NELL1: variants seen among roughly 807,000 people sequenced by gnomAD.
NELL1 encodes the protein neural EGFL like 1, also known as protein kinase C-binding protein NELL1.
Under a neutral mutation model 107.4 loss-of-function variants are expected in NELL1, and 76 were observed. The observed-to-expected ratio is 0.71, with a 90% confidence interval of 0.59 to 0.86. The LOEUF (loss-of-function observed/expected upper bound fraction) is 0.86, where lower values mean the gene tolerates loss of function less well. Among genes scored for constraint, NELL1 ranks in the 40% least tolerant of loss-of-function variants. NELL1 has a pLI of 0.00. For missense variants in NELL1, 1,024 were observed against 1,005.5 expected, an observed-to-expected ratio of 1.02 and a Z score of -0.25; for synonymous variants, 353 against 341.2, an observed-to-expected ratio of 1.03 and a Z score of -0.38.
chr11:21,114,452 T>C (rs11025924), intron 13 of NELL1, among the ~76,000 whole-genome samples: 3,684 of 152,148 alleles, frequency 0.024, 104 homozygotes, highest in South Asian at 0.14. Flanking sequence ...TTCAATCATG[T>C]TGTAACTTTT....
chr11:21,238,859 T>G (rs1197103653), intron 14 of NELL1, among the ~76,000 whole-genome samples: 1 of 152,096 alleles, frequency 6.6e-6, no homozygotes, highest in Non-Finnish European at 1.5e-5. Flanking sequence ...GCTATGTGAC[T>G]TCAGCAAGTG....
intron 16 of NELL1, among the ~76,000 whole-genome samples, chr11:21,553,068 C>T (rs1382072712): frequency 6.6e-6 from 1 of 151,854 alleles, no homozygotes; most frequent in African/African-American, 2.4e-5. Context: ...AGACCTTTGA[C>T]TTCTGTGTAA....
chr11:21,505,112 A>G (rs191706425), intron 15 of NELL1, among the ~76,000 whole-genome samples: 5 of 152,312 alleles, frequency 3.3e-5, no homozygotes, highest in Non-Finnish European at 7.4e-5. Context: ...GGAATGGCAT[A>G]TATCTTACAA....
intron 5 of NELL1, among the ~76,000 whole-genome samples, chr11:20,902,756 T>G (rs190530471): frequency 6.6e-6 from 1 of 152,196 alleles, no homozygotes; most frequent in Non-Finnish European, 1.5e-5. Flanking sequence ...AAATACGTTG[T>G]AGTAGAGACA....
intron 15 of NELL1, among the ~76,000 whole-genome samples, chr11:21,414,732 C>A (rs1282486830): frequency 6.6e-6 from 1 of 152,058 alleles, no homozygotes; most frequent in Non-Finnish European, 1.5e-5. Flanking sequence ...GGGAATGCGG[C>A]TATGTGCAAT....
At chr11:21,022,399 T>C (rs1356295) in intron 12 of NELL1, among the ~76,000 whole-genome samples, 152,203 of 152,218 alleles carry the variant, frequency 1, 76,094 homozygotes, top group Middle Eastern at 1. Context: ...CTCAAAACTT[T>C]GTAATTGCAT....
chr11:20,922,050 T>C (rs1449255160), intron 7 of NELL1, among the ~76,000 whole-genome samples: 1 of 152,116 alleles, frequency 6.6e-6, no homozygotes, highest in African/African-American at 2.4e-5. Context: ...AAAGTTTTCT[T>C]TCTGTGCCTT....
At chr11:20,671,667 G>A (rs1853913247) in intron 1 of NELL1, among the ~76,000 whole-genome samples, 1 of 152,094 alleles carries the variant, frequency 6.6e-6, no homozygotes, top group South Asian at 2.1e-4. Context: ...TGGGTGCCAG[G>A]ATTTCTTATG....
chr11:20,746,160 T>C (rs1438419156), intron 2 of NELL1, among the ~76,000 whole-genome samples: 1 of 152,198 alleles, frequency 6.6e-6, no homozygotes, highest in Non-Finnish European at 1.5e-5. Context: ...TGGACTGTGG[T>C]TGCAGATACT....
intron 7 of NELL1, among the ~76,000 whole-genome samples, chr11:20,919,872 G>A (rs992081986): frequency 2.4e-4 from 37 of 152,126 alleles, no homozygotes; most frequent in African/African-American, 8.7e-4. Context: ...TTATAATTCC[G>A]CACCTTTTCC....
intron 4 of NELL1, among the ~76,000 whole-genome samples, chr11:20,878,892 G>A (rs1200286071): frequency 1.3e-5 from 2 of 152,266 alleles, no homozygotes; most frequent in East Asian, 1.9e-4. Flanking sequence ...AGACAGACGA[G>A]GCTCCTTATC....
chr11:21,484,808 A>G (rs1328950863), intron 15 of NELL1, among the ~76,000 whole-genome samples: 2 of 152,174 alleles, frequency 1.3e-5, no homozygotes, highest in African/African-American at 4.8e-5. Flanking sequence ...ATGGTATTAA[A>G]TGATTTCAGA....
At chr11:21,007,644 C>T (rs1371807139) in intron 12 of NELL1, among the ~76,000 whole-genome samples, 4 of 151,782 alleles carry the variant, frequency 2.6e-5, no homozygotes, top group African/African-American at 4.8e-5. Flanking sequence ...TTTGGTGTCT[C>T]GGTGATGGGT....
chr11:20,937,154 G>C (rs1850743516), intron 9 of NELL1, among the ~76,000 whole-genome samples: 1 of 152,204 alleles, frequency 6.6e-6, no homozygotes, highest in African/African-American at 2.4e-5. Context: ...AGTGGTAGGA[G>C]CTCCGTTTAT....
Position 20,960,414 on chromosome 11 carries a change from T to C in NELL1, c.1172-18T>C, listed in dbSNP as rs776141647. 6.2e-7 allele frequency: 1 copy of C among 1,611,086 alleles called. No homozygotes were observed. The highest frequency in any genetic ancestry group is 1.3e-5 in the African/African-American group (1 of 74,596). ...ATTTCCTCCTTTTCTGATGTACGTT[T>C]TTATTTGTTTTTTCTAGGTCATAAC... On this transcript the variant is annotated intron_variant, in intron 11 of 19. Coordinates refer to ENST00000357134, the MANE Select transcript of NELL1 (RefSeq NM_006157.5).
intron 14 of NELL1, among the ~76,000 whole-genome samples, chr11:21,299,421 G>A (rs547720009): frequency 4.9e-4 from 74 of 151,740 alleles, no homozygotes; most frequent in Non-Finnish European, 9.1e-4. Flanking sequence ...AGAAACTTGT[G>A]CTTAATTGAC....
intron 12 of NELL1, among the ~76,000 whole-genome samples, chr11:20,979,963 G>A (rs928555597): frequency 6.6e-6 from 1 of 152,048 alleles, no homozygotes; most frequent in African/African-American, 2.4e-5. Flanking sequence ...TTAAGGTCAG[G>A]GATGAGATCT....
chr11:20,671,454 G>A (rs759520972), intron 1 of NELL1, among the ~76,000 whole-genome samples: 4 of 152,170 alleles, frequency 2.6e-5, no homozygotes, highest in Non-Finnish European at 5.9e-5. Context: ...TAAATCCTTT[G>A]TTCTCATTAC....
intron 15 of NELL1, among the ~76,000 whole-genome samples, chr11:21,410,292 C>T (rs1852343886): frequency 6.6e-6 from 1 of 152,016 alleles, no homozygotes; most frequent in South Asian, 2.1e-4. Context: ...CATTTCCACT[C>T]TACTGTAAAC....
Sources: gnomAD v4.1 joint callset for allele counts (sites outside exome capture counted in the v4.1 genomes callset) on GRCh38, gnomAD v4.1.1 for gene constraint, MANE v1.5 for transcripts, NCBI Gene and HGNC (gene_info 2026-07-23, HGNC 2026-07-21) for gene names.